The following BIN2 variants were observed in gnomAD, a reference collection of about 807,000 sequenced individuals.
The protein encoded by BIN2 is bridging integrator 2, also known as breast cancer associated protein BRAP1.
Under a neutral mutation model 67.9 loss-of-function variants are expected in BIN2, and 43 were observed. The observed-to-expected ratio is 0.63, with a 90% CI of 0.50 to 0.82. The LOEUF (loss-of-function observed/expected upper bound fraction) is 0.82. Ranked by LOEUF, BIN2 falls within the 40% of genes least tolerant of loss-of-function variation. The pLI is 0.00. For synonymous variants in BIN2, 244 were observed against 246.8 expected, an observed-to-expected ratio of 0.99 and a Z score of 0.11; for missense variants, 581 against 671.6, an observed-to-expected ratio of 0.87 and a Z score of 1.49.
At chr12:51,292,802 T>G (rs561069316) in intron 9 of BIN2, among the ~76,000 whole-genome samples, 69 of 152,304 alleles carry the variant, frequency 4.5e-4, no homozygotes, top group African/African-American at 1.6e-3. Context: ...TCATCTACCT[T>G]CTTGCTTCCG....
At chr12:51,319,955 C>CTCTCTCCTTCCTTCCT (rs140671810) in intron 1 of BIN2, among the ~76,000 whole-genome samples, 79,977 of 150,916 alleles carry the variant, frequency 0.53, 21,260 homozygotes, top group Non-Finnish European at 0.55. Flanking sequence ...GGAAATCTTT[C>CTCTCTCCTTCCTTCCT]TCTTTCCTTC....
At chr12:51,299,553 G>C in intron 6 of BIN2, 54 bp downstream of exon 6, 2 of 1,536,830 alleles carry the variant, frequency 1.3e-6, no homozygotes, top group Non-Finnish European at 1.8e-6. Flanking sequence ...TACCACCATG[G>C]GGAGAAGGAG....
chr12:51,321,896 C>T (rs534478742), intron 1 of BIN2, among the ~76,000 whole-genome samples: 180 of 152,342 alleles, frequency 1.2e-3, no homozygotes, highest in African/African-American at 3.9e-3. Context: ...GTCTCAATAA[C>T]TTCCCAAGAC....
At chr12:51,302,148 C>T in intron 4 of BIN2, 33 bp from the exon 5 acceptor site, 1 of 1,510,932 alleles carries the variant, frequency 6.6e-7, no homozygotes, top group East Asian at 2.3e-5. Context: ...GGTGAAGGCT[C>T]CACTTCCCAA....
chr12:51,304,201 G>A (rs1007890191), intron 2 of BIN2: 3 of 152,382 alleles, frequency 2.0e-5, no homozygotes, highest in Admixed American at 1.3e-4. Context: ...GCTGAGATCG[G>A]ATCACGCCAC....
At chr12:51,317,154 G>T (rs186098987) in intron 1 of BIN2, among the ~76,000 whole-genome samples, 182 of 152,200 alleles carry the variant, frequency 1.2e-3, no homozygotes, top group African/African-American at 4.2e-3. Flanking sequence ...GGGATTACAG[G>T]TGTGAGCCAC....
intron 3 of BIN2, 23 bp from the exon 4 acceptor site, chr12:51,302,803 C>T: frequency 6.3e-7 from 1 of 1,576,234 alleles, no homozygotes; most frequent in South Asian, 1.1e-5. Flanking sequence ...AATTCAGTCC[C>T]ACCATCATGT....
At chr12:51,308,795 A>G (rs1945929610) in intron 2 of BIN2, among the ~76,000 whole-genome samples, 1 of 152,156 alleles carries the variant, frequency 6.6e-6, no homozygotes, top group Non-Finnish European at 1.5e-5. Flanking sequence ...GGAAGCAAGT[A>G]GAGCCTCAGA....
intron 2 of BIN2, among the ~76,000 whole-genome samples, chr12:51,310,162 A>G (rs775794775): frequency 8.5e-5 from 13 of 152,218 alleles, no homozygotes; most frequent in Middle Eastern, 3.2e-3. Context: ...TCTTGCCATC[A>G]AAACAAAAAC....
intron 12 of BIN2, 72 bp downstream of exon 12, chr12:51,284,644 T>G: frequency 8.2e-7 from 1 of 1,223,512 alleles, no homozygotes. Flanking sequence ...TAGCCTGTGG[T>G]GAAGATTCCA....
intron 1 of BIN2, among the ~76,000 whole-genome samples, chr12:51,320,634 C>A (rs11169802): frequency 8.1e-5 from 8 of 98,738 alleles, no homozygotes; most frequent in Non-Finnish European, 1.3e-4. Context: ...TATCATTATT[C>A]TTTTTTTTTT....
Position 51,281,417 on chromosome 12 carries a change from T to C in BIN2, c.*82A>G, listed in dbSNP as rs1489259499. On this transcript the variant is annotated 3_prime_UTR_variant, in exon 13 of 13. Coordinates refer to ENST00000615107, the MANE Select transcript of BIN2 (RefSeq NM_016293.4). ...AGAACCCAGGGATGGATGCTGGCTC[T>C]TATATCCCTCTGACCTATACCCTCT... 1.4e-6 allele frequency: 2 copies of C among 1,444,656 alleles called. No individual in the cohort carries two copies. The highest frequency in any genetic ancestry group is 2.8e-5 in the African/African-American group (2 of 71,334). 89.5% of individuals were successfully genotyped at this position (1,444,656 alleles called of 1,614,324 possible).
At chr12:51,283,256 T>C in intron 12 of BIN2, among the ~76,000 whole-genome samples, 1 of 59,996 alleles carries the variant, frequency 1.7e-5, no homozygotes, top group African/African-American at 5.2e-5. Flanking sequence ...CGAGAGAGAC[T>C]CCATCTCAAA....
chr12:51,315,316 G>A (rs1377551212), intron 1 of BIN2, among the ~76,000 whole-genome samples: 1 of 151,574 alleles, frequency 6.6e-6, no homozygotes, highest in African/African-American at 2.4e-5. Context: ...GACTACAGGC[G>A]CCCGCCACTA....
rs768576504 is a variant in BIN2 at position 51,291,654 on chromosome 12, A to G, written c.1452T>C (p.Asn484=). The change falls in exon 10 of 13, where the codon AAT becomes AAC. Residue 484 remains asparagine, a synonymous_variant. Transcript: ENST00000615107. ...KPVRTPEAKE[N]ENIHNQNPEE... ...CAGGGTTCTGATTGTGGATGTTTTC[A>G]TTTTCTTTGGCCTCAGGAGTTCTTA... 1 of 1,613,352 alleles carries G rather than the reference A, an allele frequency of 6.2e-7. No individual in the cohort carries two copies. The highest frequency in any genetic ancestry group is 1.1e-5 in the South Asian group (1 of 91,076).
chr12:51,318,957 C>T (rs547095022), intron 1 of BIN2, among the ~76,000 whole-genome samples: 58 of 152,278 alleles, frequency 3.8e-4, no homozygotes, highest in East Asian at 1.9e-4. Context: ...TCTAACTGCA[C>T]CTCACTTGCC....
intron 1 of BIN2, among the ~76,000 whole-genome samples, chr12:51,321,558 C>G (rs887617033): frequency 3.9e-5 from 6 of 152,126 alleles, no homozygotes; most frequent in African/African-American, 1.4e-4. Flanking sequence ...CGCCACCACA[C>G]CCGGCTGATT....
chr12:51,313,157 G>A (rs982871413), intron 2 of BIN2, among the ~76,000 whole-genome samples: 11 of 145,736 alleles, frequency 7.5e-5, no homozygotes, highest in Non-Finnish European at 1.5e-4. Flanking sequence ...AGAATTGCCT[G>A]AACCTGGAAG....
At chr12:51,296,174 GA>G (rs1945562440) in intron 8 of BIN2, among the ~76,000 whole-genome samples, 2 of 152,010 alleles carry the variant, frequency 1.3e-5, no homozygotes, top group South Asian at 4.2e-4. Flanking sequence ...GTGATCCAGG[GA>G]ATGAAAACTC....
Sources: allele counts gnomAD v4.1 joint callset (sites outside exome capture counted in the v4.1 genomes callset), GRCh38; gene constraint gnomAD v4.1.1; transcripts MANE v1.5; gene names NCBI Gene and HGNC (gene_info 2026-07-23, HGNC 2026-07-21).